CALB2: variants seen among roughly 807,000 people sequenced by gnomAD.
The protein encoded by CALB2 is calretinin.
Under a neutral mutation model 45.9 loss-of-function variants are expected in CALB2, and 34 were observed. The ratio of observed to expected loss-of-function variants is 0.74; its 90% CI spans 0.56 to 0.99. The LOEUF is 0.99. CALB2 is among the 50% of genes least tolerant of loss of function. CALB2 has a pLI of 0.00. For missense variants in CALB2, 344 were observed against 339.3 expected (o/e 1.01, Z -0.11); for synonymous variants, 142 against 129.6 (o/e 1.10, Z -0.65).
intron 10 of CALB2, 31 bp downstream of exon 10, chr16:71,385,679 GT>G (rs776435479): frequency 1.8e-5 from 29 of 1,598,994 alleles, no homozygotes; most frequent in Non-Finnish European, 2.3e-5. Context: ...CCCGGCCACT[GT>G]CCCCAGGGCA....
intron 4 of CALB2, among the ~76,000 whole-genome samples, chr16:71,381,223 T>G (rs1268448727): frequency 6.6e-6 from 1 of 152,232 alleles, no homozygotes; most frequent in African/African-American, 2.4e-5. Context: ...AAGTCATATT[T>G]GGAAATCCTC....
At position 71,377,675 on chromosome 16, in the gene CALB2, G is replaced by C. The variant is rs553158988; in HGVS notation, c.270G>C (p.Gln90His). 1 of 1,613,676 alleles carries C rather than the reference G, an allele frequency of 6.2e-7. No homozygotes were observed. Among genetic ancestry groups the C allele is most frequent in the South Asian group, 1.1e-5 (1 of 91,068 alleles). Residue 90 changes from glutamine to histidine, a missense_variant, in exon 4 of 11, where the codon CAG becomes CAC. Around this residue, in one of 3 missense-constraint regions of CALB2, gnomAD observed 263 missense variants for 241.7 expected, o/e 1.09. Coordinates refer to ENST00000302628, the MANE Select transcript of CALB2 (RefSeq NM_001740.5). ...TCTCTGTATCTTCACAGCTGGCGCA[G>C]ATCCTGCCAACCGAAGAGAACTTCC... ...DGKIEMAELA[Q>H]ILPTEENFLL...
rs1048009705 is a variant in CALB2 at position 71,358,864 on chromosome 16, A to T, written c.72A>T (p.Ile24=). 12 of 1,613,224 alleles carry T rather than the reference A, an allele frequency of 7.4e-6. No homozygotes were observed. Among genetic ancestry groups the T allele is most frequent in the Non-Finnish European group, 9.3e-6 (11 of 1,179,832 alleles). Residue 24 remains isoleucine (I), a synonymous_variant, in exon 1 of 11, where the codon ATA becomes ATT. Coordinates refer to ENST00000302628, the MANE Select transcript of CALB2 (RefSeq NM_001740.5). ...AELTASQFLE[I]WKHFDADGNG... Reference sequence around the variant, plus strand: ...TGACGGCGTCCCAGTTCCTGGAAATATGGAAGCACTTTGACGCAGACGGTC... The same window carrying T: ...TGACGGCGTCCCAGTTCCTGGAAATTTGGAAGCACTTTGACGCAGACGGTC...
chr16:71,358,777 C>T lies in CALB2; in HGVS notation c.-16C>T, dbSNP rs760077786. Reference sequence around the variant, plus strand: ...GAGCGGGAGCGGTGCAGGCTGAGGTCTCCGAGCGGCTCGCCATGGCTGGCC... The same window carrying T: ...GAGCGGGAGCGGTGCAGGCTGAGGTTTCCGAGCGGCTCGCCATGGCTGGCC... On this transcript the variant is annotated 5_prime_UTR_variant, in exon 1 of 11. Coordinates refer to ENST00000302628, the MANE Select transcript of CALB2 (RefSeq NM_001740.5). 20 of 1,594,910 alleles carry T rather than the reference C, an allele frequency of 1.3e-5. No homozygotes were observed. The highest frequency in any genetic ancestry group is 8.0e-5 in the African/African-American group (6 of 74,570).
At chr16:71,362,684 T>C (rs1430162102) in intron 1 of CALB2, among the ~76,000 whole-genome samples, 1 of 152,204 alleles carries the variant, frequency 6.6e-6, no homozygotes, top group Admixed American at 6.5e-5. Context: ...CTGAACACTA[T>C]TATAAGCCCG....
intron 5 of CALB2, 99 bp from the exon 6 acceptor site, chr16:71,383,268 A>T: frequency 9.3e-7 from 1 of 1,074,814 alleles, no homozygotes. Flanking sequence ...AAAAACACAC[A>T]CACACACATT....
chr16:71,366,829 TGTAAA>T (rs1404904308), intron 1 of CALB2, among the ~76,000 whole-genome samples: 4 of 152,174 alleles, frequency 2.6e-5, no homozygotes, highest in African/African-American at 4.8e-5. Flanking sequence ...ACCATAACTC[TGTAAA>T]GTAGAGAGGG....
chr16:71,371,037 T>C (rs1567537177), intron 1 of CALB2, among the ~76,000 whole-genome samples: 1 of 152,210 alleles, frequency 6.6e-6, no homozygotes, highest in African/African-American at 2.4e-5. Context: ...GTTCTGGTAA[T>C]GGAACTCAGT....
At chr16:71,366,022 CTCTTTTTTTTT>C (rs1189944630) in intron 1 of CALB2, among the ~76,000 whole-genome samples, 1 of 50,552 alleles carries the variant, frequency 2.0e-5, no homozygotes, top group Non-Finnish European at 3.4e-5. Flanking sequence ...CCCTCTCTCT[CTCTTTTTTTTT>C]TTTTTTTTTT....
At chr16:71,384,104 G>T in intron 7 of CALB2, 79 bp downstream of exon 7, 1 of 1,494,302 alleles carries the variant, frequency 6.7e-7, no homozygotes. Context: ...AGATCCATTG[G>T]TGGGAAAGTG....
At position 71,389,254 on chromosome 16, in the gene CALB2, G is replaced by C. The variant is rs375684242; in HGVS notation, c.700-495G>C. ...AGACTTAGGAAAGAGTGGTCCAGGAGGCTAGAAGGCAAGACCAGGGAGCTT... is the reference window on the plus strand; with the variant it reads ...AGACTTAGGAAAGAGTGGTCCAGGACGCTAGAAGGCAAGACCAGGGAGCTT... On this transcript the variant is annotated intron_variant, in intron 10 of 10. Transcript: ENST00000302628. Among the ~76,000 whole-genome samples, 3 of 151,886 alleles carry C rather than the reference G, an allele frequency of 2.0e-5. No individual in the cohort carries two copies. In the East Asian group the frequency reaches 5.8e-4, roughly 29 times the overall value.
At chr16:71,385,450 C>A in intron 9 of CALB2, 127 bp from the exon 10 acceptor site, 1 of 649,000 alleles carries the variant, frequency 1.5e-6, no homozygotes. Context: ...TTTGTCATTA[C>A]ACGATCTGAA....
chr16:71,362,454 G>A lies in CALB2; in HGVS notation c.94+3568G>A, dbSNP rs77464473. On this transcript the variant is annotated intron_variant, in intron 1 of 10. Coordinates refer to ENST00000302628, the MANE Select transcript of CALB2 (RefSeq NM_001740.5). ...GAATCTAGCCTACATAGATATACTC[G>A]TATGTGCGCAGAAAGTTATATGAAC... Among the ~76,000 whole-genome samples, 142 of 152,304 alleles carry A rather than the reference G, an allele frequency of 9.3e-4. No individual in the cohort carries two copies. The Middle Eastern group carries it at 0.034, about 37-fold the overall frequency.
rs868839356 is a variant in CALB2, at chr16:71,389,203, A to T, written c.700-546A>T. On this transcript the variant is annotated intron_variant, in intron 10 of 10. Transcript: ENST00000302628. ...ACTCCGCCTCAAAATAAAAAAAATA[A>T]AAAAAATTCCTTGCTTAAATAGATG... is the stretch of plus-strand genomic sequence containing the variant. Among the ~76,000 whole-genome samples the T allele has an allele frequency of 3.9e-5, 6 of 152,132 alleles. No individual in the cohort carries two copies. The South Asian group carries it at 1.0e-3, about 26-fold the overall frequency.
In CALB2 at chr16:71,389,797, T is replaced by G. The variant is rs779137315; in HGVS notation, c.748T>G (p.Leu250Val). Residue 250 changes from leucine (L) to valine (V), a missense_variant, in exon 11 of 11, where the codon TTG (leucine) becomes GTG (valine). Leu to Val is a conservative substitution (Grantham distance 32). Coordinates refer to ENST00000302628, the MANE Select transcript of CALB2 (RefSeq NM_001740.5). Reference sequence around the variant, plus strand: ...CAACTACAGAAAGAGCGTCATGTCCTTGGCAGAGGCAGGGAAGCTCTACCG... The same window carrying G: ...CAACTACAGAAAGAGCGTCATGTCCGTGGCAGAGGCAGGGAAGCTCTACCG... ...LTNYRKSVMS[L>V]AEAGKLYRKD... 4.3e-6 allele frequency: 7 copies of G among 1,613,950 alleles called. No individual in the cohort carries two copies. Among genetic ancestry groups the G allele is most frequent in the Non-Finnish European group, 5.9e-6 (7 of 1,180,018 alleles).
chr16:71,365,899 T>C (rs2042279796), intron 1 of CALB2, among the ~76,000 whole-genome samples: 1 of 151,830 alleles, frequency 6.6e-6, no homozygotes, highest in Admixed American at 6.6e-5. Context: ...AAATCAGAAA[T>C]TCTGGGGATG....
At chr16:71,384,164 C>A in intron 7 of CALB2, 139 bp downstream of exon 7, 4 of 1,045,128 alleles carry the variant, frequency 3.8e-6, no homozygotes, top group African/African-American at 1.6e-5. Context: ...AGAATTGTGA[C>A]CGTCAACACC....
chr16:71,382,108 GGGAAGAAAGGAAGAAAAA>G (rs1190393016), intron 4 of CALB2, among the ~76,000 whole-genome samples: 1 of 51,864 alleles, frequency 1.9e-5, no homozygotes, highest in Non-Finnish European at 4.3e-5. Flanking sequence ...AAGGAAGGAA[GGGAAGAAAGGAAGAAAAA>G]GGAAGGAAGG....
At chr16:71,369,895 T>C (rs906893043) in intron 1 of CALB2, among the ~76,000 whole-genome samples, 10 of 152,188 alleles carry the variant, frequency 6.6e-5, no homozygotes, top group Non-Finnish European at 1.0e-4. Flanking sequence ...TTCTTCCAAC[T>C]CAGAGCATCA....
Sources: gnomAD v4.1 joint callset for allele counts (sites outside exome capture counted in the v4.1 genomes callset) on GRCh38, gnomAD v4.1.1 for gene constraint, gnomAD v4.1.1 regional missense constraint, MANE v1.5 for transcripts, NCBI Gene and HGNC (gene_info 2026-07-23, HGNC 2026-07-21) for gene names.